Variants in B4GALNT3 observed in about 807,000 individuals in gnomAD.
B4GALNT3 encodes beta-1,4-N-acetyl-galactosaminyltransferase 3.
A neutral mutation model predicts 120.2 loss-of-function variants in B4GALNT3; 86 were observed. That is an observed-to-expected ratio of 0.72 (90% confidence interval 0.60 to 0.86). The LOEUF (loss-of-function observed/expected upper bound fraction) is 0.86. Ranked by LOEUF, B4GALNT3 falls within the 40% of genes least tolerant of loss-of-function variation. B4GALNT3 has a pLI of 0.00. For synonymous variants in B4GALNT3, 518 were observed against 510.4 expected (o/e 1.01, Z -0.20); for missense variants, 1,167 against 1,298.9 (o/e 0.90, Z 1.56).
intron 18 of B4GALNT3, 135 bp from the exon 19 acceptor site, chr12:559,160 T>C: frequency 1.7e-6 from 2 of 1,206,020 alleles, no homozygotes; most frequent in Non-Finnish European, 2.4e-6. Context: ...CTTGTTCAGC[T>C]AAGACAGTTT....
At chr12:512,659 T>TTCCAC (rs1946601380) in intron 1 of B4GALNT3, among the ~76,000 whole-genome samples, 1 of 86,788 alleles carries the variant, frequency 1.2e-5, no homozygotes, top group Non-Finnish European at 2.3e-5. Context: ...CCTTCCACCT[T>TTCCAC]CTTCCACCTT....
chr12:467,340 C>T (rs537558083), intron 1 of B4GALNT3, among the ~76,000 whole-genome samples: 1 of 152,140 alleles, frequency 6.6e-6, no homozygotes, highest in African/African-American at 2.4e-5. Context: ...GGGCAGATCA[C>T]TTGAGGTCAG....
intron 1 of B4GALNT3, among the ~76,000 whole-genome samples, chr12:516,078 A>G (rs1056675438): frequency 2.0e-5 from 3 of 151,834 alleles, no homozygotes; most frequent in African/African-American, 7.3e-5. Flanking sequence ...CCCGGGAGGC[A>G]GAGCTTGCAG....
chr12:464,064 C>T (rs1946052512), intron 1 of B4GALNT3, among the ~76,000 whole-genome samples: 1 of 152,308 alleles, frequency 6.6e-6, no homozygotes, highest in African/African-American at 2.4e-5. Flanking sequence ...AACATTAACT[C>T]TTTAGCTGCT....
chr12:558,037 T>A lies in B4GALNT3; in HGVS notation c.2556T>A (p.Ser852Arg), dbSNP rs563412665. 5 of 1,613,808 alleles carry A rather than the reference T, an allele frequency of 3.1e-6. No homozygotes were observed. The East Asian group carries it at 8.9e-5, about 29-fold the overall frequency. The change falls in exon 17 of 20, where the codon AGT becomes AGA. Residue 852 changes from serine (S) to arginine (R), a missense_variant. Ser to Arg is a moderately radical substitution (Grantham distance 110, BLOSUM62 -1). Transcript: ENST00000266383. ...KLRSYQYVKLSGNFERSAGLQ... is the reference protein window; with the variant it reads ...KLRSYQYVKLRGNFERSAGLQ... ...GCAGCTACCAGTACGTGAAGCTAAG[T>A]GGAAACTTTGAACGCTCAGCTGGAC... is the stretch of plus-strand genomic sequence containing the variant.
intron 19 of B4GALNT3, among the ~76,000 whole-genome samples, chr12:560,584 A>G (rs988889588): frequency 6.6e-6 from 1 of 152,232 alleles, no homozygotes; most frequent in African/African-American, 2.4e-5. Context: ...TCGAGTGAAA[A>G]GGGGGAAGGT....
At chr12:554,512 T>A (rs113913144) in intron 14 of B4GALNT3, among the ~76,000 whole-genome samples, 6 of 152,014 alleles carry the variant, frequency 3.9e-5, no homozygotes, top group Admixed American at 2.6e-4. Context: ...ATTTACAGGC[T>A]GGGCGCGGTG....
intron 1 of B4GALNT3, among the ~76,000 whole-genome samples, chr12:498,376 G>A (rs1946408520): frequency 1.3e-5 from 2 of 152,162 alleles, no homozygotes; most frequent in African/African-American, 4.8e-5. Flanking sequence ...AGAGGCCACT[G>A]TGTGCTGGCT....
intron 1 of B4GALNT3, among the ~76,000 whole-genome samples, chr12:465,655 G>A (rs536636244): frequency 3.3e-5 from 5 of 152,218 alleles, no homozygotes; most frequent in South Asian, 2.1e-4. Flanking sequence ...TGATGTGGCC[G>A]GCGAACCTCA....
chr12:522,916 C>T (rs190863122), intron 1 of B4GALNT3, among the ~76,000 whole-genome samples: 82 of 124,834 alleles, frequency 6.6e-4, no homozygotes, highest in African/African-American at 2.1e-3. Flanking sequence ...TGCACTCCAG[C>T]TGGGTGACAG....
Position 460,330 on chromosome 12 carries a change from C to CG in B4GALNT3, c.-41dup. The CG allele has an allele frequency of 1.0e-6, 1 of 1,001,884 alleles. No homozygotes were observed. The highest frequency in any genetic ancestry group is 1.2e-6 in the Non-Finnish European group (1 of 841,442). 62.1% of individuals were successfully genotyped at this position (1,001,884 alleles called of 1,614,324 possible). On this transcript the variant is annotated 5_prime_UTR_variant, in exon 1 of 20. Transcript: ENST00000266383. This position sits in a 1 kb window ranked among gnomAD's most constrained non-coding sequence, Gnocchi z 8.0. Reference sequence around the variant, plus strand: ...GGGGCCCGGCCGGGGGGCGGCGGCTCGGGGGGTTGGAGCCCGCGCTGGCGG... The same window carrying CG: ...GGGGCCCGGCCGGGGGGCGGCGGCTCGGGGGGGTTGGAGCCCGCGCTGGCGG...
intron 13 of B4GALNT3, 145 bp downstream of exon 13, chr12:552,673 G>C (rs116368009): frequency 1.4e-6 from 1 of 707,980 alleles, no homozygotes; most frequent in Admixed American, 2.9e-5. Flanking sequence ...ACCCAAGGGA[G>C]TGGAGAGCAT....
intron 1 of B4GALNT3, among the ~76,000 whole-genome samples, chr12:534,094 G>A (rs185204679): frequency 8.0e-4 from 122 of 152,310 alleles, no homozygotes; most frequent in African/African-American, 2.7e-3. Context: ...TGGGGACATC[G>A]TGGTGAAGCT....
chr12:461,047 C>G (rs541479802), intron 1 of B4GALNT3, among the ~76,000 whole-genome samples: 1 of 152,258 alleles, frequency 6.6e-6, no homozygotes, highest in East Asian at 1.9e-4. Context: ...TCCTCTCCTG[C>G]TGCATCTTCT....
intron 1 of B4GALNT3, among the ~76,000 whole-genome samples, chr12:529,488 T>C (rs1213429074): frequency 6.6e-6 from 1 of 152,156 alleles, no homozygotes; most frequent in Non-Finnish European, 1.5e-5. Context: ...GTGAGGTGAA[T>C]CTAACTCATT....
At chr12:465,335 G>T (rs12369312) in intron 1 of B4GALNT3, among the ~76,000 whole-genome samples, 1 of 152,038 alleles carries the variant, frequency 6.6e-6, no homozygotes, top group Non-Finnish European at 1.5e-5. Flanking sequence ...GTACCTTCTC[G>T]TTATGAATGT....
intron 1 of B4GALNT3, among the ~76,000 whole-genome samples, chr12:509,169 C>G (rs1946523520): frequency 6.6e-6 from 1 of 152,248 alleles, no homozygotes; most frequent in Non-Finnish European, 1.5e-5. Context: ...TGCACACCTG[C>G]ACCTACTAAC....
chr12:551,947 G>A lies in B4GALNT3; in HGVS notation c.1108-116G>A, dbSNP rs564592093. The A allele has an allele frequency of 1.4e-4, 113 of 784,758 alleles. 1 individual carries two copies. The South Asian group carries it at 1.6e-3, about 11-fold the overall frequency. 48.6% of individuals were successfully genotyped at this position (784,758 alleles called of 1,614,324 possible). A position where few individuals can be genotyped will look rare whatever the true frequency, so the allele number is the denominator to read the frequency against. ...GAGCAACCCTTCTCTCCCTGCCAAG[G>A]GCGGGTCCCTAGCAGCCCTATGTGA... is the stretch of plus-strand genomic sequence containing the variant. On this transcript the variant is annotated intron_variant, in intron 11 of 19. Transcript: ENST00000266383.
chr12:544,660 T>C (rs1946969002), intron 4 of B4GALNT3, among the ~76,000 whole-genome samples: 1 of 152,168 alleles, frequency 6.6e-6, no homozygotes, highest in Non-Finnish European at 1.5e-5. Context: ...CACAATATAG[T>C]GTACCCAGGG....
Sources: allele counts gnomAD v4.1 joint callset (sites outside exome capture counted in the v4.1 genomes callset), GRCh38; gene constraint gnomAD v4.1.1; non-coding constraint Gnocchi (gnomAD v3.1); transcripts MANE v1.5; gene names NCBI Gene and HGNC (gene_info 2026-07-23, HGNC 2026-07-21).